The following MCF2 variants were observed in gnomAD, a reference collection of about 807,000 sequenced individuals.
MCF2 encodes proto-oncogene DBL.
In MCF2, 44 loss-of-function variants were observed where a neutral mutation model predicts 82.5. That is an observed-to-expected ratio of 0.53 (90% CI 0.42 to 0.69). MCF2 has a LOEUF of 0.69. Ranked by LOEUF, MCF2 falls within the 30% of genes least tolerant of loss-of-function variation. The pLI is 0.00. For missense variants in MCF2, 623 were observed against 663.1 expected, an observed-to-expected ratio of 0.94 and a Z score of 0.66; for synonymous variants, 217 against 224.9, an observed-to-expected ratio of 0.96 and a Z score of 0.32.
chrX:139,670,851 T>G (rs1307643056), intron 1 of MCF2, among the ~76,000 whole-genome samples: 1 of 111,920 alleles, frequency 8.9e-6, no homozygotes, highest in Non-Finnish European at 1.9e-5. Flanking sequence ...CTGGGTCAAA[T>G]GGTATTTCTA....
intron 24 of MCF2, 81 bp from the exon 29 acceptor site, chrX:139,582,584 T>A: frequency 1.4e-6 from 1 of 722,376 alleles, no homozygotes; most frequent in Non-Finnish European, 2.1e-6. Flanking sequence ...TTCCAGCTTC[T>A]TGTTTTGGCA....
intron 1 of MCF2, among the ~76,000 whole-genome samples, chrX:139,657,656 A>C (rs932749069): frequency 8.9e-6 from 1 of 112,502 alleles, no homozygotes; most frequent in Admixed American, 9.4e-5. Context: ...ACACACTGCA[A>C]TATTTCCTAG....
At chrX:139,669,816 T>C (rs774057276) in intron 1 of MCF2, among the ~76,000 whole-genome samples, 1 of 112,185 alleles carries the variant, frequency 8.9e-6, no homozygotes, top group Admixed American at 9.5e-5. Flanking sequence ...TATTGTGTTA[T>C]TTCATTTCTA....
upstream of MCF2, among the ~76,000 whole-genome samples, chrX:139,645,835 C>G (rs776386637): frequency 9.0e-6 from 1 of 111,456 alleles, no homozygotes; most frequent in Non-Finnish European, 1.9e-5. Flanking sequence ...ATACATATTC[C>G]CTTACTCACT....
intron 20 of MCF2, among the ~76,000 whole-genome samples, chrX:139,588,829 G>T (rs920574524): frequency 7.4e-5 from 8 of 108,776 alleles, no homozygotes; most frequent in Non-Finnish European, 1.3e-4. Flanking sequence ...ACTTGAGAGG[G>T]TGAGGTGGGA....
At chrX:139,626,348 T>C (rs1603292531) in intron 5 of MCF2, 41 bp from the exon 9 acceptor site, 1 of 843,326 alleles carries the variant, frequency 1.2e-6, no homozygotes, top group South Asian at 2.3e-5. Context: ...AAAGCAACTA[T>C]CTGTTTTGTA....
At chrX:139,689,372 G>A (rs1935203627) in intron 1 of MCF2, among the ~76,000 whole-genome samples, 1 of 111,710 alleles carries the variant, frequency 9.0e-6, no homozygotes, top group African/African-American at 3.3e-5. Flanking sequence ...ATCATTCCTG[G>A]TGTGGTCTGT....
At chrX:139,635,638 C>T (rs1043015038) in intron 1 of MCF2, among the ~76,000 whole-genome samples, 1 of 109,190 alleles carries the variant, frequency 9.2e-6, no homozygotes, top group African/African-American at 3.3e-5. Flanking sequence ...GCCTGGGCAA[C>T]AGGGTGAGAC....
intron 1 of MCF2, among the ~76,000 whole-genome samples, chrX:139,699,823 TC>T (rs1935453601): frequency 8.9e-6 from 1 of 112,303 alleles, no homozygotes; most frequent in Non-Finnish European, 1.9e-5. Flanking sequence ...CGATATTTTT[TC>T]TCCTGAGAAC....
upstream of MCF2, among the ~76,000 whole-genome samples, chrX:139,644,434 A>G (rs1933725694): frequency 8.9e-6 from 1 of 112,461 alleles, no homozygotes; most frequent in Non-Finnish European, 1.9e-5. Flanking sequence ...AAGCACTAAT[A>G]TGCTATAGAA....
At chrX:139,597,118 GCTAAAGATTTGATTCTTTTCTTTCCTAT>G (rs1446880870) in intron 18 of MCF2, among the ~76,000 whole-genome samples, 1 of 111,233 alleles carries the variant, frequency 9.0e-6, no homozygotes, top group African/African-American at 3.3e-5. Context: ...CTACACAAGT[GCTAAAGATTTGATTCTTTTCTTTCCTAT>G]CTATTCCTAT....
chrX:139,661,093 C>T (rs895836106), intron 1 of MCF2, among the ~76,000 whole-genome samples: 1 of 111,729 alleles, frequency 9.0e-6, no homozygotes. Flanking sequence ...GATAATGAGA[C>T]ATGTAAGCTG....
chrX:139,617,601 C>G (rs774395454), exon 8 of MCF2: 5 of 1,203,547 alleles, frequency 4.2e-6, no homozygotes, highest in Non-Finnish European at 5.6e-6. Flanking sequence ...AGAAAGGTAA[C>G]GTAGCTCATT....
chrX:139,593,929 T>A (rs1269576853), intron 19 of MCF2, among the ~76,000 whole-genome samples: 1 of 110,300 alleles, frequency 9.1e-6, no homozygotes, highest in Non-Finnish European at 1.9e-5. Flanking sequence ...TATACACCAA[T>A]AACAGACAAA....
chrX:139,586,553 G>A, intron 22 of MCF2, 66 bp from the exon 27 acceptor site: 4 of 755,988 alleles, frequency 5.3e-6, no homozygotes, highest in Non-Finnish European at 8.0e-6. Flanking sequence ...GAAATTTAAA[G>A]TGGTATTTCT....
chrX:139,611,508 G>A (rs16993600), intron 10 of MCF2, among the ~76,000 whole-genome samples: 1,372 of 111,914 alleles, frequency 0.012, 20 homozygotes, highest in African/African-American at 0.041. Context: ...TTGCAAATAC[G>A]TTAAGAGATA....
At chrX:139,698,453 T>C (rs1172652826) in intron 1 of MCF2, among the ~76,000 whole-genome samples, 1 of 111,883 alleles carries the variant, frequency 8.9e-6, no homozygotes, top group Non-Finnish European at 1.9e-5. Context: ...CTCAGTGAAA[T>C]GGGAATAGCT....
chrX:139,652,300 G>T (rs1934050569), intron 1 of MCF2, among the ~76,000 whole-genome samples: 1 of 111,564 alleles, frequency 9.0e-6, no homozygotes, highest in African/African-American at 3.3e-5. Flanking sequence ...GATAGACGTG[G>T]ATTCAAATCC....
chrX:139,659,312 TAAA>T (rs963563193), intron 1 of MCF2, among the ~76,000 whole-genome samples: 1 of 106,815 alleles, frequency 9.4e-6, no homozygotes, highest in Non-Finnish European at 1.9e-5. Context: ...ATTTAAAAAT[TAAA>T]AAAAAAACTA....
Sources: allele counts gnomAD v4.1 joint callset (sites outside exome capture counted in the v4.1 genomes callset), GRCh38; gene constraint gnomAD v4.1.1; transcripts MANE v1.5; gene names NCBI Gene and HGNC (gene_info 2026-07-23, HGNC 2026-07-21).